TARS1: variants seen among roughly 807,000 people sequenced by gnomAD.
TARS1 encodes the protein threonine--tRNA ligase 1, cytoplasmic.
Under a neutral mutation model 97.7 loss-of-function variants are expected in TARS1, and 57 were observed. That is an observed-to-expected ratio of 0.58 (90% CI 0.47 to 0.73). The LOEUF is 0.73. Ranked by LOEUF, TARS1 falls within the 30% of genes least tolerant of loss-of-function variation. The pLI, the probability that TARS1 is intolerant of heterozygous loss-of-function variation, is 0.00. For missense variants in TARS1, 806 were observed against 888.3 expected, an observed-to-expected ratio of 0.91 and a Z score of 1.18; for synonymous variants, 312 against 293.7, an observed-to-expected ratio of 1.06 and a Z score of -0.64.
intron 1 of TARS1, 53 bp downstream of exon 1, chr5:33,441,196 GACGCT>G: frequency 6.2e-7 from 1 of 1,606,472 alleles, no homozygotes; most frequent in African/African-American, 1.3e-5. Context: ...AGTGGGTGCA[GACGCT>G]ACGCTCGCGG....
intron 6 of TARS1, 105 bp downstream of exon 6, chr5:33,455,809 T>C (rs1741986563): frequency 9.9e-7 from 1 of 1,014,918 alleles, no homozygotes; most frequent in Non-Finnish European, 1.5e-6. Context: ...GTCTAATTGG[T>C]TCTTTAGCAA....
chr5:33,440,795 T>G (rs555588185), upstream of TARS1: 11 of 528,860 alleles, frequency 2.1e-5, no homozygotes, highest in South Asian at 1.6e-4. Context: ...AGAGTAGGCA[T>G]GTAGCTTCTG....
In TARS1 at chr5:33,453,277, T is replaced by C. The variant is rs1227828427; in HGVS notation, c.330-12T>C. The C allele has an allele frequency of 6.7e-7, 1 of 1,487,686 alleles. No individual in the cohort carries two copies. The highest frequency in any genetic ancestry group is 2.4e-5 in the East Asian group (1 of 40,818). 92.2% of individuals were successfully genotyped at this position (1,487,686 alleles called of 1,614,324 possible). On this transcript the variant is annotated splice_polypyrimidine_tract_variant and intron_variant, in intron 3 of 18. Transcript: ENST00000265112. ...ATATGTGTGGACTTTTTTTTTTTTTTTTTTTTTTAAGTCAAGGCCTGGCCG... is the reference window on the plus strand; with the variant it reads ...ATATGTGTGGACTTTTTTTTTTTTTCTTTTTTTTAAGTCAAGGCCTGGCCG...
intron 11 of TARS1, 70 bp from the exon 12 acceptor site, chr5:33,460,832 G>A (rs1010471088): frequency 3.3e-5 from 52 of 1,565,410 alleles, no homozygotes; most frequent in Non-Finnish European, 4.4e-5. Context: ...AACCTTTCGT[G>A]TAATTAAATA....
In TARS1 at chr5:33,458,328, G is replaced by A. The variant is rs867183435; in HGVS notation, c.985-238G>A. 1.1e-4 allele frequency among the ~76,000 whole-genome samples: 17 copies of A among 152,320 alleles called. 1 individual carries two copies. Among genetic ancestry groups the A allele is most frequent in the Middle Eastern group, 3.4e-3 (1 of 294 alleles). ...TTCCCTGCCACTGTTGGGGAAACTT[G>A]ACTGGATTGAGGAATATAACAGGCA... On this transcript the variant is annotated intron_variant, in intron 9 of 18. Transcript: ENST00000265112.
rs753104389 is a variant in TARS1, at chr5:33,462,119, A to G, written c.1751A>G (p.Lys584Arg). 2 of 1,612,538 alleles carry G rather than the reference A, an allele frequency of 1.2e-6. No homozygotes were observed. The highest frequency in any genetic ancestry group is 1.7e-6 in the Non-Finnish European group (2 of 1,179,620). The change falls in exon 16 of 19, where the codon AAA (lysine) becomes AGA (arginine). Residue 584 changes from lysine (K) to arginine (R), a missense_variant. Physicochemically the swap from Lys to Arg is conservative, Grantham distance 26 (BLOSUM62 2). This residue lies in a region of TARS1 where 446 missense variants were observed against 511.0 expected (regional missense o/e 0.87). Coordinates refer to ENST00000265112, the MANE Select transcript of TARS1 (RefSeq NM_152295.5). ...TATAGCCATGATGGTGATGATAAGA[A>G]AAGGCCAGTGATTGTTCATCGAGCC... Reference protein sequence around the residue: ...TYVSHDGDDKKRPVIVHRAIL... With the variant: ...TYVSHDGDDKRRPVIVHRAIL...
At chr5:33,452,367 CTT>C in intron 3 of TARS1, 1 of 1,535,478 alleles carries the variant, frequency 6.5e-7, no homozygotes, top group South Asian at 1.2e-5. Context: ...AAAAACCTCT[CTT>C]CACTTGCATC....
In TARS1 at chr5:33,463,802, A is replaced by G. The variant is rs1554013562; in HGVS notation, c.1885A>G (p.Thr629Ala). 10 of 1,612,290 alleles carry G rather than the reference A, an allele frequency of 6.2e-6. No homozygotes were observed. Among genetic ancestry groups the G allele is most frequent in the South Asian group, 3.3e-5 (3 of 90,626 alleles). Residue 629 changes from threonine to alanine, a missense_variant, in exon 17 of 19, where the codon ACC becomes GCC. Physicochemically the swap from Thr to Ala is moderately conservative, Grantham distance 58 (BLOSUM62 0). Coordinates refer to ENST00000265112, the MANE Select transcript of TARS1 (RefSeq NM_152295.5). The stretch of plus-strand genomic sequence containing the variant: ...GGTAATGGTAGTTCCAGTGGGACCA[A>G]CCTGTGATGAATATGCCCAAAAGGT... ...RQVMVVPVGPTCDEYAQKVRQ... is the reference protein window; with the variant it reads ...RQVMVVPVGPACDEYAQKVRQ...
At position 33,459,740 on chromosome 5, in the gene TARS1, A is replaced by G; in HGVS notation, c.1129A>G (p.Ile377Val). Reference protein sequence around the residue: ...RGFQEVVTPNIFNSRLWMTSG... With the variant: ...RGFQEVVTPNVFNSRLWMTSG... ...ATTCCAGGAGGTAGTCACCCCAAAC[A>G]TCTTCAACAGCCGACTCTGGATGAC... The change falls in exon 11 of 19, where the codon ATC (isoleucine) becomes GTC (valine). Residue 377 changes from isoleucine to valine, a missense_variant. This residue lies in a region of TARS1 where 446 missense variants were observed against 511.0 expected (regional missense o/e 0.87). Coordinates refer to ENST00000265112, the MANE Select transcript of TARS1 (RefSeq NM_152295.5). 1 of 1,614,182 alleles carries G rather than the reference A, an allele frequency of 6.2e-7. No homozygotes were observed. Among genetic ancestry groups the G allele is most frequent in the Non-Finnish European group, 8.5e-7 (1 of 1,180,024 alleles).
At chr5:33,451,739 C>T (rs1352095019) in intron 3 of TARS1, among the ~76,000 whole-genome samples, 2 of 148,436 alleles carry the variant, frequency 1.3e-5, no homozygotes, top group Non-Finnish European at 2.9e-5. Context: ...CAGTATGGCC[C>T]ATGTGTAATC....
intron 10 of TARS1, 62 bp downstream of exon 10, chr5:33,458,726 G>A (rs919154363): frequency 1.1e-5 from 14 of 1,322,026 alleles, no homozygotes; most frequent in Admixed American, 2.0e-5. Flanking sequence ...TATTAAATAA[G>A]GTCTACTAAA....
chr5:33,465,329 G>A (rs529068368), intron 17 of TARS1, among the ~76,000 whole-genome samples: 22 of 152,106 alleles, frequency 1.4e-4, no homozygotes, highest in Non-Finnish European at 2.2e-4. Context: ...TTCCCTTTGC[G>A]GGTAGGTGGC....
At chr5:33,456,691 T>G (rs1277196229) in intron 8 of TARS1, among the ~76,000 whole-genome samples, 3 of 152,276 alleles carry the variant, frequency 2.0e-5, no homozygotes, top group African/African-American at 7.2e-5. Context: ...CATTTCTATT[T>G]TTGCTCATTT....
chr5:33,452,814 AAG>A (rs2047358002), intron 3 of TARS1, among the ~76,000 whole-genome samples: 1 of 151,974 alleles, frequency 6.6e-6, no homozygotes, highest in Non-Finnish European at 1.5e-5. Context: ...GCTTTGTAGA[AAG>A]AGAAAGGTGG....
intron 2 of TARS1, chr5:33,446,808 TAC>T: frequency 8.4e-7 from 1 of 1,185,622 alleles, no homozygotes; most frequent in Non-Finnish European, 1.1e-6. Context: ...TGGAACTGGG[TAC>T]TGTGCATTAG....
chr5:33,463,967 A>G (rs1742416368), intron 17 of TARS1, 142 bp downstream of exon 17: 2 of 682,928 alleles, frequency 2.9e-6, no homozygotes, highest in Admixed American at 5.4e-5. Context: ...AAGCCTGAAT[A>G]GATTATATTA....
chr5:33,461,939 T>C lies in TARS1; in HGVS notation c.1663T>C (p.Tyr555His). 1 of 1,614,120 alleles carries C rather than the reference T, an allele frequency of 6.2e-7. No individual in the cohort carries two copies. ...DIQIKDAIGR[Y>H]HQCATIQLDF... ...ACAGATTAAAGATGCGATTGGGCGG[T>C]ACCACCAGTGTGCAACCATCCAGCT... Residue 555 changes from tyrosine (Y) to histidine (H), a missense_variant, in exon 15 of 19, where the codon TAC (tyrosine) becomes CAC (histidine). This residue lies in a region of TARS1 where 446 missense variants were observed against 511.0 expected (regional missense o/e 0.87). Transcript: ENST00000265112.
rs1741952355 is a variant in TARS1 at position 33,455,151 on chromosome 5, A to G, written c.575+85A>G. The G allele has an allele frequency of 1.4e-5, 22 of 1,522,152 alleles. No individual in the cohort carries two copies. In the South Asian group the frequency reaches 2.7e-4, roughly 18 times the overall value. The allele number at this position is 1,522,152 out of a possible 1,614,324, so 94.3% of individuals were successfully genotyped here. A position where few individuals can be genotyped will look rare whatever the true frequency, so the allele number is the denominator to read the frequency against. On this transcript the variant is annotated intron_variant, in intron 5 of 18. Transcript: ENST00000265112. ...CTTAAGAGTTCTCAGTAAGGGAGGA[A>G]TGATATAGATCTCACTGCTTCTTCA...
At chr5:33,441,403 G>A in intron 1 of TARS1, 1 of 489,766 alleles carries the variant, frequency 2.0e-6, no homozygotes, top group Non-Finnish European at 3.7e-6. Flanking sequence ...TGAGCGACTT[G>A]TTCAGAGCCT....
Sources: allele counts gnomAD v4.1 joint callset (sites outside exome capture counted in the v4.1 genomes callset), GRCh38; gene constraint gnomAD v4.1.1; regional missense constraint gnomAD v4.1.1; transcripts MANE v1.5; gene names NCBI Gene and HGNC (gene_info 2026-07-23, HGNC 2026-07-21).